Variants in KLHL7 observed in about 807,000 individuals in gnomAD.
KLHL7 encodes the protein kelch like family member 7, also known as kelch-like protein 7.
Under a neutral mutation model 67.4 loss-of-function variants are expected in KLHL7, and 44 were observed. That is an observed-to-expected ratio of 0.65 (90% CI 0.51 to 0.84). The LOEUF is 0.84. Ranked by LOEUF, KLHL7 falls within the 40% of genes least tolerant of loss-of-function variation. KLHL7 has a pLI of 0.00. For missense variants in KLHL7, 362 were observed against 718.1 expected, an observed-to-expected ratio of 0.50 and a Z score of 5.67; for synonymous variants, 252 against 243.3, an observed-to-expected ratio of 1.04 and a Z score of -0.33.
intron 1 of KLHL7, among the ~76,000 whole-genome samples, chr7:23,121,929 G>A (rs555976497): frequency 7.9e-5 from 12 of 152,138 alleles, no homozygotes; most frequent in South Asian, 2.1e-4. Context: ...TGATCCGCCC[G>A]CCTCAGCCTC....
At chr7:23,170,594 G>A (rs1325989516) in intron 9 of KLHL7, among the ~76,000 whole-genome samples, 3 of 152,262 alleles carry the variant, frequency 2.0e-5, no homozygotes, top group African/African-American at 7.2e-5. Flanking sequence ...ACAAAGAAAA[G>A]ATATTCCTCA....
chr7:23,129,430 A>G (rs574003708), intron 4 of KLHL7: 29 of 379,018 alleles, frequency 7.7e-5, no homozygotes, highest in Non-Finnish European at 1.4e-4. Flanking sequence ...AATCTCACCT[A>G]ATATAGCTGG....
intron 4 of KLHL7, among the ~76,000 whole-genome samples, chr7:23,139,618 T>C (rs1289728409): frequency 6.6e-6 from 1 of 152,210 alleles, no homozygotes; most frequent in Non-Finnish European, 1.5e-5. Flanking sequence ...GCATCAGCTT[T>C]GAGAACCTTT....
intron 7 of KLHL7, among the ~76,000 whole-genome samples, chr7:23,157,792 T>A (rs4722233): frequency 6.6e-6 from 1 of 152,116 alleles, no homozygotes; most frequent in Non-Finnish European, 1.5e-5. Flanking sequence ...ATATGACTGG[T>A]GCTGGGAGTC....
chr7:23,120,613 C>G (rs1438215464), intron 1 of KLHL7, among the ~76,000 whole-genome samples: 2 of 152,140 alleles, frequency 1.3e-5, no homozygotes, highest in Admixed American at 1.3e-4. Flanking sequence ...GTCACCCAGA[C>G]TGGAGTGCAG....
At chr7:23,168,726 C>T (rs1702984741) in intron 9 of KLHL7, among the ~76,000 whole-genome samples, 2 of 152,090 alleles carry the variant, frequency 1.3e-5, no homozygotes, top group Admixed American at 1.3e-4. Context: ...ACAGATGATA[C>T]CCTAGTCGTA....
intron 7 of KLHL7, among the ~76,000 whole-genome samples, chr7:23,153,427 C>T (rs543778349): frequency 1.3e-5 from 2 of 152,246 alleles, no homozygotes; most frequent in South Asian, 4.1e-4. Context: ...TATTTTGTGC[C>T]TTTGGAACCT....
intron 4 of KLHL7, among the ~76,000 whole-genome samples, chr7:23,136,214 A>G (rs1439885593): frequency 6.6e-6 from 1 of 152,214 alleles, no homozygotes; most frequent in African/African-American, 2.4e-5. Context: ...TGCAAATGAG[A>G]GGGAGAGAAA....
intron 7 of KLHL7, among the ~76,000 whole-genome samples, chr7:23,158,905 A>G (rs1784781178): frequency 6.6e-6 from 1 of 152,234 alleles, no homozygotes; most frequent in Admixed American, 6.5e-5. Context: ...ACCTCTGTGG[A>G]AGCTTCATGG....
intron 1 of KLHL7, among the ~76,000 whole-genome samples, chr7:23,107,827 C>T (rs1782706289): frequency 6.6e-6 from 1 of 152,202 alleles, no homozygotes; most frequent in African/African-American, 2.4e-5. Context: ...TCTCCAATAG[C>T]ACTTTTATCA....
intron 1 of KLHL7, among the ~76,000 whole-genome samples, chr7:23,112,018 T>C (rs554919518): frequency 6.6e-6 from 1 of 152,194 alleles, no homozygotes; most frequent in East Asian, 1.9e-4. Context: ...AAAAAGATAA[T>C]AAAATCAACA....
chr7:23,107,735 G>A (rs1418041864), intron 1 of KLHL7, among the ~76,000 whole-genome samples: 3 of 152,196 alleles, frequency 2.0e-5, no homozygotes, highest in African/African-American at 7.2e-5. Flanking sequence ...TGAACAACCA[G>A]GGGTCCCCTC....
chr7:23,119,926 A>C (rs1452250852), intron 1 of KLHL7, among the ~76,000 whole-genome samples: 1 of 152,112 alleles, frequency 6.6e-6, no homozygotes, highest in East Asian at 1.9e-4. Context: ...TTATCGTCTT[A>C]CTAATTTGGC....
rs1785309607 is a variant in KLHL7, at chr7:23,177,082, GCTT to G, written c.*2787_*2789del. On this transcript the variant is annotated 3_prime_UTR_variant, in exon 11 of 11. Transcript: ENST00000339077. ...ATTTCCAAACGAGGACACATTCTGA[GCTT>G]CTGGATAGACATGAATTTGGGGAGA... 1 of 152,186 alleles carries G rather than the reference GCTT, an allele frequency of 6.6e-6. No homozygotes were observed. The allele number at this position is 152,186 out of a possible 1,614,324, so 9.4% of individuals were successfully genotyped here.
rs1283355320 is a variant in KLHL7 at position 23,140,755 on chromosome 7, C to T, written c.443-14C>T. 2 of 1,609,940 alleles carry T rather than the reference C, an allele frequency of 1.2e-6. No homozygotes were observed. Among genetic ancestry groups the T allele is most frequent in the East Asian group, 4.5e-5 (2 of 44,834 alleles). ...AAATGATTTTCTATTCTTTTATTTT[C>T]TTTCTGTGTTTAGGTATAAGTGTGC... is the stretch of plus-strand genomic sequence containing the variant. On this transcript the variant is annotated splice_polypyrimidine_tract_variant and intron_variant, in intron 4 of 10. Transcript: ENST00000339077.
At chr7:23,154,081 C>T (rs1360506866) in intron 7 of KLHL7, among the ~76,000 whole-genome samples, 1 of 152,208 alleles carries the variant, frequency 6.6e-6, no homozygotes, top group Non-Finnish European at 1.5e-5. Context: ...AGGCCAGGTG[C>T]AGTGGCTCAT....
chr7:23,137,885 C>G (rs772637855), intron 4 of KLHL7, among the ~76,000 whole-genome samples: 47 of 134,216 alleles, frequency 3.5e-4, no homozygotes, highest in Middle Eastern at 4.2e-3. Flanking sequence ...TCTTAAAAAG[C>G]ATAAAACCTG....
At chr7:23,143,048 AAAAT>A (rs1444488635) in intron 5 of KLHL7, among the ~76,000 whole-genome samples, 2 of 152,214 alleles carry the variant, frequency 1.3e-5, no homozygotes, top group African/African-American at 4.8e-5. Context: ...AAACTATTCT[AAAAT>A]AAATTTGTTT....
At chr7:23,172,885 C>T in intron 9 of KLHL7, 63 bp from the exon 10 acceptor site, 1 of 1,151,342 alleles carries the variant, frequency 8.7e-7, no homozygotes. Flanking sequence ...ATAGACCTTT[C>T]TCATTAGTAT....
Sources: gnomAD v4.1 joint callset for allele counts (sites outside exome capture counted in the v4.1 genomes callset) on GRCh38, gnomAD v4.1.1 for gene constraint, MANE v1.5 for transcripts, NCBI Gene and HGNC (gene_info 2026-07-23, HGNC 2026-07-21) for gene names.